Variants in PCDH9 observed in about 807,000 individuals in gnomAD.
The protein encoded by PCDH9 is protocadherin-9.
A neutral mutation model predicts 70.6 loss-of-function variants in PCDH9; 24 were observed. The observed-to-expected ratio is 0.34, with a 90% CI of 0.25 to 0.48. PCDH9 has a LOEUF of 0.48. PCDH9 is among the 20% of genes least tolerant of loss of function. The pLI, the probability that PCDH9 is intolerant of heterozygous loss-of-function variation, is 0.99. For missense variants in PCDH9, 1,281 were observed against 1,503.6 expected, an observed-to-expected ratio of 0.85 and a Z score of 2.45; for synonymous variants, 562 against 558.5, an observed-to-expected ratio of 1.01 and a Z score of -0.09.
intron 4 of PCDH9, among the ~76,000 whole-genome samples, chr13:66,455,518 C>T (rs989652255): frequency 5.3e-5 from 8 of 151,900 alleles, no homozygotes; most frequent in South Asian, 2.1e-4. Flanking sequence ...TTTTAGAATC[C>T]CAATAAAGTT....
At chr13:66,684,411 C>T (rs951942391) in intron 3 of PCDH9, among the ~76,000 whole-genome samples, 1 of 152,188 alleles carries the variant, frequency 6.6e-6, no homozygotes, top group African/African-American at 2.4e-5. Flanking sequence ...ACCCAAATCT[C>T]ATCTTGTAGT....
intron 2 of PCDH9, chr13:67,224,738 T>C: frequency 2.6e-6 from 2 of 764,824 alleles, no homozygotes; most frequent in Non-Finnish European, 3.2e-6. Context: ...TTCTTTTTTT[T>C]TTTTTTTTTG....
intron 4 of PCDH9, among the ~76,000 whole-genome samples, chr13:66,378,032 C>T (rs1032317502): frequency 5.9e-5 from 9 of 152,088 alleles, no homozygotes; most frequent in African/African-American, 2.2e-4. Flanking sequence ...AGATTAAAAT[C>T]TACTTGGAAA....
At chr13:66,832,244 A>T (rs1489149329) in intron 3 of PCDH9, among the ~76,000 whole-genome samples, 2 of 152,166 alleles carry the variant, frequency 1.3e-5, no homozygotes, top group African/African-American at 4.8e-5. Context: ...TAATAAATGT[A>T]TGCCGTATGA....
intron 3 of PCDH9, among the ~76,000 whole-genome samples, chr13:66,826,285 A>G (rs993035664): frequency 2.0e-5 from 3 of 152,290 alleles, no homozygotes; most frequent in Admixed American, 6.5e-5. Context: ...CAAAAATATC[A>G]TTCTCCAGGA....
intron 4 of PCDH9, among the ~76,000 whole-genome samples, chr13:66,396,203 C>T (rs1957098430): frequency 6.6e-6 from 1 of 152,082 alleles, no homozygotes; most frequent in Non-Finnish European, 1.5e-5. Flanking sequence ...GTGCTTCTTG[C>T]CTCTCAAGAA....
At chr13:66,319,451 G>A (rs1268202322) in intron 4 of PCDH9, among the ~76,000 whole-genome samples, 2 of 150,884 alleles carry the variant, frequency 1.3e-5, no homozygotes, top group African/African-American at 5.0e-5. Context: ...CAATGTGAAA[G>A]CATGACTCCT....
Position 67,151,046 on chromosome 13 carries a change from A to G in PCDH9, c.3036+74359T>C, listed in dbSNP as rs932426517. ...ACCATATATGAATTATACTTAAAAT[A>G]CTGTTCCCTCTGCCCTCACTTATTT... On this transcript the variant is annotated intron_variant, in intron 2 of 4. Transcript: ENST00000377865. Among the ~76,000 whole-genome samples, 5 of 152,152 alleles carry G rather than the reference A, an allele frequency of 3.3e-5. No homozygotes were observed. In the South Asian group the frequency reaches 1.0e-3, roughly 32 times the overall value.
At chr13:67,184,069 T>C (rs958937225) in intron 2 of PCDH9, among the ~76,000 whole-genome samples, 2 of 152,184 alleles carry the variant, frequency 1.3e-5, no homozygotes, top group Admixed American at 6.5e-5. Context: ...AAACATCTAG[T>C]GTTTGCGGTA....
At chr13:66,965,709 C>A (rs1594322126) in intron 2 of PCDH9, among the ~76,000 whole-genome samples, 1 of 151,826 alleles carries the variant, frequency 6.6e-6, no homozygotes, top group Non-Finnish European at 1.5e-5. Flanking sequence ...AAATGATTAT[C>A]TTTAATCACA....
At chr13:66,729,356 A>G (rs944629421) in intron 3 of PCDH9, among the ~76,000 whole-genome samples, 17 of 152,140 alleles carry the variant, frequency 1.1e-4, no homozygotes, top group African/African-American at 3.4e-4. Flanking sequence ...ACAATAGACA[A>G]TCAAGTACCC....
intron 3 of PCDH9, among the ~76,000 whole-genome samples, chr13:66,899,018 A>G (rs2082231925): frequency 6.6e-6 from 1 of 152,000 alleles, no homozygotes; most frequent in Non-Finnish European, 1.5e-5. Flanking sequence ...GACACATAAT[A>G]ATAGTTTAAT....
chr13:66,816,549 C>T (rs2080608937), intron 3 of PCDH9, among the ~76,000 whole-genome samples: 1 of 152,162 alleles, frequency 6.6e-6, no homozygotes, highest in Non-Finnish European at 1.5e-5. Flanking sequence ...TCTTCCTACC[C>T]TCTCCAGGCT....
intron 4 of PCDH9, among the ~76,000 whole-genome samples, chr13:66,595,265 A>C (rs1246218354): frequency 2.6e-5 from 4 of 151,620 alleles, no homozygotes; most frequent in Non-Finnish European, 5.9e-5. Context: ...TCCAATTTGC[A>C]AACCTACCTC....
chr13:66,697,043 A>G (rs2078573114), intron 3 of PCDH9, among the ~76,000 whole-genome samples: 1 of 152,058 alleles, frequency 6.6e-6, no homozygotes, highest in South Asian at 2.1e-4. Flanking sequence ...GGCTGCAGTG[A>G]GCCATGATCA....
chr13:66,909,445 A>C (rs2082420109), intron 2 of PCDH9, among the ~76,000 whole-genome samples: 1 of 152,066 alleles, frequency 6.6e-6, no homozygotes. Context: ...CAAAAAAAAA[A>C]ACATATCCTT....
At chr13:66,393,290 T>A (rs1050683831) in intron 4 of PCDH9, among the ~76,000 whole-genome samples, 2 of 152,172 alleles carry the variant, frequency 1.3e-5, no homozygotes, top group Non-Finnish European at 2.9e-5. Context: ...GCAAGATAAG[T>A]AATGATTTGT....
At chr13:66,529,213 G>C (rs1960337790) in intron 4 of PCDH9, among the ~76,000 whole-genome samples, 1 of 151,868 alleles carries the variant, frequency 6.6e-6, no homozygotes, top group East Asian at 1.9e-4. Flanking sequence ...TCAAAAGACA[G>C]AAAGGAAGTT....
At chr13:66,464,807 C>A (rs1416421295) in intron 4 of PCDH9, among the ~76,000 whole-genome samples, 2 of 151,912 alleles carry the variant, frequency 1.3e-5, no homozygotes, top group Non-Finnish European at 2.9e-5. Context: ...GTGTAAGTAT[C>A]TTAATGCTGA....
Sources: gnomAD v4.1 joint callset for allele counts (sites outside exome capture counted in the v4.1 genomes callset) on GRCh38, gnomAD v4.1.1 for gene constraint, MANE v1.5 for transcripts, NCBI Gene and HGNC (gene_info 2026-07-23, HGNC 2026-07-21) for gene names.